PDE10A: variants seen among roughly 807,000 people sequenced by gnomAD.
PDE10A encodes the protein cAMP and cAMP-inhibited cGMP 3',5'-cyclic phosphodiesterase 10A.
PDE10A carries 39 observed loss-of-function variants against 97.7 expected under a neutral mutation model. The ratio of observed to expected loss-of-function variants is 0.40; its 90% confidence interval spans 0.31 to 0.52. The LOEUF is 0.52. PDE10A is among the 20% of genes least tolerant of loss of function. PDE10A has a pLI of 0.56. For missense variants in PDE10A, 731 were observed against 1,047.8 expected, an observed-to-expected ratio of 0.70 and a Z score of 4.17; for synonymous variants, 371 against 376.8, an observed-to-expected ratio of 0.98 and a Z score of 0.18.
chr6:165,415,942 T>C (rs979630713), intron 12 of PDE10A, among the ~76,000 whole-genome samples: 3 of 152,248 alleles, frequency 2.0e-5, no homozygotes, highest in Admixed American at 6.5e-5. Context: ...CTACCGCCTA[T>C]CAGTTGTTTT....
chr6:165,930,632 G>A (rs928051224), intron 1 of PDE10A, among the ~76,000 whole-genome samples: 4 of 152,186 alleles, frequency 2.6e-5, no homozygotes, highest in South Asian at 4.1e-4. Flanking sequence ...TGCCGTGCAC[G>A]CCTTGCCCAA....
At chr6:165,906,303 A>G (rs61711217) in intron 1 of PDE10A, among the ~76,000 whole-genome samples, 24,457 of 151,136 alleles carry the variant, frequency 0.16, 2,217 homozygotes, top group East Asian at 0.26. Context: ...GCATAAAACC[A>G]TTTCACACTT....
chr6:165,627,822 T>C (rs1788455673), intron 1 of PDE10A, among the ~76,000 whole-genome samples: 1 of 152,224 alleles, frequency 6.6e-6, no homozygotes, highest in Non-Finnish European at 1.5e-5. Flanking sequence ...ACTGTACCTA[T>C]CAGAGCAAGA....
intron 1 of PDE10A, among the ~76,000 whole-genome samples, chr6:165,646,010 C>T (rs1054851457): frequency 5.9e-5 from 9 of 152,140 alleles, no homozygotes; most frequent in Non-Finnish European, 1.3e-4. Flanking sequence ...CAAAATAACC[C>T]AGCAAGACAA....
At chr6:165,604,510 CTCTT>C (rs1243864473) in intron 1 of PDE10A, among the ~76,000 whole-genome samples, 3 of 100,366 alleles carry the variant, frequency 3.0e-5, no homozygotes, top group Non-Finnish European at 4.1e-5. Context: ...TGCACTTACT[CTCTT>C]TGTTAAAAAA....
At chr6:165,677,718 C>A (rs1261443494) in intron 1 of PDE10A, among the ~76,000 whole-genome samples, 1 of 152,074 alleles carries the variant, frequency 6.6e-6, no homozygotes, top group Non-Finnish European at 1.5e-5. Context: ...GAGCTCTACC[C>A]CATGAGGGAC....
chr6:165,497,930 C>T (rs7773873), intron 2 of PDE10A, among the ~76,000 whole-genome samples: 6,793 of 152,106 alleles, frequency 0.045, 478 homozygotes, highest in African/African-American at 0.15. Context: ...TTCAATAATA[C>T]CTGAAAATTC....
intron 1 of PDE10A, among the ~76,000 whole-genome samples, chr6:165,828,318 A>T (rs2128470555): frequency 6.6e-6 from 1 of 152,402 alleles, no homozygotes; most frequent in South Asian, 2.1e-4. Context: ...GAAGAATGTC[A>T]AAGTCCAGAG....
At chr6:165,888,039 G>C (rs1454988493) in intron 1 of PDE10A, among the ~76,000 whole-genome samples, 3 of 152,068 alleles carry the variant, frequency 2.0e-5, no homozygotes, top group African/African-American at 7.2e-5. Flanking sequence ...ACATGCTGGG[G>C]ATGCTCGCTC....
chr6:165,970,115 CA>C (rs142188235), intron 1 of PDE10A, among the ~76,000 whole-genome samples: 1,868 of 152,222 alleles, frequency 0.012, 27 homozygotes, highest in Non-Finnish European at 0.015. Flanking sequence ...GAGTATATAC[CA>C]AAACAGACTC....
intron 1 of PDE10A, among the ~76,000 whole-genome samples, chr6:165,770,861 C>T (rs1309397929): frequency 1.3e-5 from 2 of 152,240 alleles, no homozygotes; most frequent in Non-Finnish European, 1.5e-5. Context: ...TCCCCAGGTG[C>T]TCCCGGGGCC....
rs187064160 is a variant in PDE10A at position 165,375,361 on chromosome 6, A to G, written c.2783+3833T>C. ...AAGAAAGTTTTAGTAATCTGGATAG[A>G]AGATCAAACCAGCCACAACATTCCC... On this transcript the variant is annotated intron_variant, in intron 18 of 21. Transcript: ENST00000539869. Among the ~76,000 whole-genome samples, 433 of 152,362 alleles carry G rather than the reference A, an allele frequency of 2.8e-3. 3 individuals are homozygous for G. Among genetic ancestry groups the G allele is most frequent in the Non-Finnish European group, 4.8e-3 (329 of 68,040 alleles).
intron 1 of PDE10A, among the ~76,000 whole-genome samples, chr6:165,681,155 G>T (rs1417789665): frequency 1.3e-5 from 2 of 152,152 alleles, no homozygotes; most frequent in Non-Finnish European, 2.9e-5. Context: ...TTTACAGAGC[G>T]CTGCAAGGGG....
chr6:165,349,903 T>C (rs1366880908), intron 18 of PDE10A, among the ~76,000 whole-genome samples: 6 of 152,184 alleles, frequency 3.9e-5, no homozygotes, highest in Non-Finnish European at 7.4e-5. Context: ...GAATTGAGGT[T>C]TGGAAACCTC....
chr6:165,684,785 A>G (rs142616882), intron 1 of PDE10A, among the ~76,000 whole-genome samples: 5 of 152,392 alleles, frequency 3.3e-5, no homozygotes, highest in East Asian at 1.9e-4. Flanking sequence ...TATGAAAATT[A>G]CAATGAAAGT....
chr6:165,737,508 TA>T (rs1792607664), intron 1 of PDE10A, among the ~76,000 whole-genome samples: 1 of 152,162 alleles, frequency 6.6e-6, no homozygotes, highest in African/African-American at 2.4e-5. Flanking sequence ...TGCAAATCCA[TA>T]AAGGTGATAT....
At chr6:165,615,925 C>T (rs998957584) in intron 1 of PDE10A, among the ~76,000 whole-genome samples, 4 of 152,082 alleles carry the variant, frequency 2.6e-5, no homozygotes, top group African/African-American at 7.2e-5. Flanking sequence ...AAGGCCAAAA[C>T]GGAGGGAAAT....
chr6:165,731,343 C>G (rs9356385), intron 1 of PDE10A, among the ~76,000 whole-genome samples: 1 of 151,928 alleles, frequency 6.6e-6, no homozygotes, highest in Non-Finnish European at 1.5e-5. Context: ...GGAGGGAAGT[C>G]GGAGCTCCAG....
intron 1 of PDE10A, among the ~76,000 whole-genome samples, chr6:165,742,358 C>T (rs967238356): frequency 3.9e-5 from 6 of 152,146 alleles, no homozygotes; most frequent in Non-Finnish European, 8.8e-5. Context: ...TTAATCATTA[C>T]ATAGGCAATC....
Sources: gnomAD v4.1 joint callset for allele counts (sites outside exome capture counted in the v4.1 genomes callset) on GRCh38, gnomAD v4.1.1 for gene constraint, MANE v1.5 for transcripts, NCBI Gene and HGNC (gene_info 2026-07-23, HGNC 2026-07-21) for gene names.